Variants in SUPT20H observed in about 807,000 individuals in gnomAD.
SUPT20H encodes the protein SPT20 homolog, SAGA complex component.
SUPT20H carries 82 observed loss-of-function variants against 122.8 expected under a neutral mutation model. The observed-to-expected ratio is 0.67, with a 90% CI of 0.56 to 0.80. The LOEUF (loss-of-function observed/expected upper bound fraction) is 0.80. Ranked by LOEUF, SUPT20H falls within the 30% of genes least tolerant of loss-of-function variation. SUPT20H has a pLI of 0.00. For synonymous variants in SUPT20H, 291 were observed against 313.0 expected (o/e 0.93, Z 0.74); for missense variants, 831 against 921.6 (o/e 0.90, Z 1.27).
At chr13:37,017,220 A>C in intron 23 of SUPT20H, 25 bp downstream of exon 23, 1 of 1,613,944 alleles carries the variant, frequency 6.2e-7, no homozygotes, top group Non-Finnish European at 8.5e-7. Context: ...ATGTAAAAGC[A>C]TATGGAAGGC....
At chr13:37,020,775 ATCGTT>A (rs1437447580) in intron 21 of SUPT20H, among the ~76,000 whole-genome samples, 1 of 152,158 alleles carries the variant, frequency 6.6e-6, no homozygotes, top group Non-Finnish European at 1.5e-5. Context: ...GTGAAACTGA[ATCGTT>A]TCAAGATATT....
chr13:37,017,202 T>C (rs181601679), intron 23 of SUPT20H, 43 bp downstream of exon 23: 1,261 of 1,613,320 alleles, frequency 7.8e-4, no homozygotes, highest in Non-Finnish European at 7.9e-4. Flanking sequence ...AAAAATGTTA[T>C]AAATTCGATG....
chr13:37,040,756 A>G, intron 7 of SUPT20H, 64 bp from the exon 8 acceptor site: 1 of 1,256,406 alleles, frequency 8.0e-7, no homozygotes, highest in Non-Finnish European at 1.2e-6. Flanking sequence ...GTGGGTTTAT[A>G]TCAAACATTT....
rs1465073261 is a variant in SUPT20H at position 37,022,859 on chromosome 13, TGA to T, written c.1592-781_1592-780del. 2 of 1,072,544 alleles carry T rather than the reference TGA, an allele frequency of 1.9e-6. No individual in the cohort carries two copies. The highest frequency in any genetic ancestry group is 2.3e-6 in the Non-Finnish European group (2 of 873,344). 66.4% of individuals were successfully genotyped at this position (1,072,544 alleles called of 1,614,324 possible). On this transcript the variant is annotated intron_variant, in intron 19 of 25. Transcript: ENST00000350612. This position sits in a 1 kb window ranked among gnomAD's most constrained non-coding sequence, Gnocchi z 4.5. ...AAAAAACAGTAATAAAGCAAATATC[TGA>T]GAGATAATACTGCATCTTTAACAGT...
Position 37,059,602 on chromosome 13 carries a change from T to G in SUPT20H, c.-137A>C, listed in dbSNP as rs915384289. On this transcript the variant is annotated 5_prime_UTR_variant, in exon 1 of 26. Coordinates refer to ENST00000350612, the MANE Select transcript of SUPT20H (RefSeq NM_001014286.3). Reference sequence around the variant, plus strand: ...CGCTAGGCCCCAAGACGGCGCCGCCTGCTCGGCAGCAAAGCCCACCCGCCC... The same window carrying G: ...CGCTAGGCCCCAAGACGGCGCCGCCGGCTCGGCAGCAAAGCCCACCCGCCC... The G allele has an allele frequency of 6.6e-6, 1 of 152,298 alleles. No homozygotes were observed. The highest frequency in any genetic ancestry group is 1.5e-5 in the Non-Finnish European group (1 of 68,076). The allele number at this position is 152,298 out of a possible 1,614,324, so 9.4% of individuals were successfully genotyped here.
chr13:37,016,522 C>A (rs184967413), intron 23 of SUPT20H, among the ~76,000 whole-genome samples: 7 of 151,972 alleles, frequency 4.6e-5, no homozygotes, highest in Admixed American at 1.3e-4. Context: ...TCTAGCCAAG[C>A]AATCTTTAAT....
At chr13:37,030,623 G>A (rs2063125943) in intron 12 of SUPT20H, among the ~76,000 whole-genome samples, 1 of 152,170 alleles carries the variant, frequency 6.6e-6, no homozygotes, top group Non-Finnish European at 1.5e-5. Flanking sequence ...GAGCTTGTGA[G>A]AAATGCATCT....
intron 25 of SUPT20H, 28 bp downstream of exon 25, chr13:37,010,524 T>C (rs1161558787): frequency 2.1e-5 from 34 of 1,587,938 alleles, no homozygotes; most frequent in Non-Finnish European, 2.9e-5. Context: ...TCTTTAAAAA[T>C]GTAATCAGAG....
Position 37,009,792 on chromosome 13 carries a change from C to T in SUPT20H, c.2220G>A (p.Gln740=). Residue 740 remains glutamine, a synonymous_variant, in exon 26 of 26, where the codon CAG becomes CAA. Transcript: ENST00000350612. ...QQQIQQLRFL[Q]HQMAMAAAAA... is the part of the protein sequence containing the mutation. Reference sequence around the variant, plus strand: ...CTGCTGCTGCCATAGCCATTTGATGCTGCAAGAATCGCAACTGCTGCAAAA... The same window carrying T: ...CTGCTGCTGCCATAGCCATTTGATGTTGCAAGAATCGCAACTGCTGCAAAA... The T allele has an allele frequency of 6.2e-7, 1 of 1,611,594 alleles. No homozygotes were observed. Among genetic ancestry groups the T allele is most frequent in the Non-Finnish European group, 8.5e-7 (1 of 1,179,308 alleles).
chr13:37,055,139 C>T (rs946203911), intron 1 of SUPT20H, among the ~76,000 whole-genome samples: 1 of 152,210 alleles, frequency 6.6e-6, no homozygotes, highest in Non-Finnish European at 1.5e-5. Flanking sequence ...AATGGAAGAA[C>T]ATTCCATGCT....
chr13:37,023,923 G>C, intron 19 of SUPT20H, 112 bp downstream of exon 19: 1 of 1,061,570 alleles, frequency 9.4e-7, no homozygotes, highest in African/African-American at 1.6e-5. Flanking sequence ...ATACATTTTG[G>C]GTACACAGTA....
At chr13:37,019,005 A>G (rs2061014319) in intron 22 of SUPT20H, among the ~76,000 whole-genome samples, 1 of 152,216 alleles carries the variant, frequency 6.6e-6, no homozygotes, top group Admixed American at 6.5e-5. Flanking sequence ...TATTACATAT[A>G]TGTATACATA....
chr13:37,020,469 G>GT (rs889501142), intron 21 of SUPT20H, among the ~76,000 whole-genome samples: 1 of 152,100 alleles, frequency 6.6e-6, no homozygotes, highest in Non-Finnish European at 1.5e-5. Flanking sequence ...CTGAGGATAA[G>GT]GGGGAAAAAT....
intron 24 of SUPT20H, 27 bp from the exon 25 acceptor site, chr13:37,010,682 G>T: frequency 1.3e-6 from 2 of 1,592,618 alleles, no homozygotes; most frequent in Non-Finnish European, 1.7e-6. Context: ...GGGAAAGCAG[G>T]CCAGTCAAAA....
intron 23 of SUPT20H, among the ~76,000 whole-genome samples, chr13:37,015,051 A>C (rs1262234356): frequency 6.6e-6 from 1 of 152,146 alleles, no homozygotes; most frequent in African/African-American, 2.4e-5. Context: ...CTAAAACTAG[A>C]GAACATTTAT....
chr13:37,033,334 C>G, intron 10 of SUPT20H, 115 bp downstream of exon 10: 1 of 1,334,554 alleles, frequency 7.5e-7, no homozygotes, highest in Non-Finnish European at 1.0e-6. Flanking sequence ...GACCTCATCT[C>G]TACCCTTCCC....
At chr13:37,059,407 C>T (rs1411744418) in intron 1 of SUPT20H, 152 bp downstream of exon 1, 1 of 152,364 alleles carries the variant, frequency 6.6e-6, no homozygotes, top group Non-Finnish European at 1.5e-5. Flanking sequence ...GCTGCCTCAA[C>T]CTCCGCCCCG....
chr13:37,039,719 A>T (rs544544942), intron 9 of SUPT20H: 11 of 152,216 alleles, frequency 7.2e-5, no homozygotes, highest in African/African-American at 2.6e-4. Flanking sequence ...CTTAAAAAAA[A>T]AAAGTTTAAA....
chr13:37,058,383 G>A (rs767639217), intron 1 of SUPT20H, among the ~76,000 whole-genome samples: 20 of 152,150 alleles, frequency 1.3e-4, no homozygotes, highest in Non-Finnish European at 2.8e-4. Context: ...TGAAAAGCTC[G>A]TAGGAGGTTT....
Sources: allele counts gnomAD v4.1 joint callset (sites outside exome capture counted in the v4.1 genomes callset), GRCh38; gene constraint gnomAD v4.1.1; non-coding constraint Gnocchi (gnomAD v3.1); transcripts MANE v1.5; gene names NCBI Gene and HGNC (gene_info 2026-07-23, HGNC 2026-07-21).